The following NCOA1 variants were observed in gnomAD, a reference collection of about 807,000 sequenced individuals.
NCOA1 encodes the protein Hin-2 protein.
Under a neutral mutation model 150.9 loss-of-function variants are expected in NCOA1, and 35 were observed. The observed-to-expected ratio is 0.23, with a 90% confidence interval of 0.18 to 0.31. The LOEUF is 0.31. NCOA1 is among the 10% of genes least tolerant of loss of function. The pLI is 1.00. For synonymous variants in NCOA1, 590 were observed against 630.0 expected, an observed-to-expected ratio of 0.94 and a Z score of 0.95; for missense variants, 1,491 against 1,749.3, an observed-to-expected ratio of 0.85 and a Z score of 2.63.
rs1385226236 is a variant in NCOA1 at position 24,751,928 on chromosome 2, G to A, written c.3707-54G>A. ...GATCCTTTTGGGTTTTTTCATTTAT[G>A]GGGTTAATAAATTTATAGTGTATCA... On this transcript the variant is annotated intron_variant, in intron 19 of 22. Transcript: ENST00000348332. 2.0e-6 allele frequency: 3 copies of A among 1,475,456 alleles called. No homozygotes were observed. The African/African-American group carries it at 4.2e-5, about 21-fold the overall frequency. 91.4% of individuals were successfully genotyped at this position (1,475,456 alleles called of 1,614,324 possible).
chr2:24,537,357 G>A (rs1470919983), intron 1 of NCOA1, among the ~76,000 whole-genome samples: 1 of 151,988 alleles, frequency 6.6e-6, no homozygotes, highest in African/African-American at 2.4e-5. Flanking sequence ...ATTATGCTAA[G>A]TGAAGTAAGT....
intron 4 of NCOA1, among the ~76,000 whole-genome samples, chr2:24,650,287 T>TTCAAA (rs1259226409): frequency 6.6e-6 from 1 of 152,080 alleles, no homozygotes; most frequent in Non-Finnish European, 1.5e-5. Flanking sequence ...AAATATCTAG[T>TTCAAA]ATTCAACAAA....
chr2:24,538,759 T>A (rs1225856071), intron 1 of NCOA1, among the ~76,000 whole-genome samples: 2 of 152,062 alleles, frequency 1.3e-5, no homozygotes, highest in East Asian at 3.9e-4. Flanking sequence ...CATTTATTTG[T>A]CATGTACGAG....
chr2:24,760,739 C>T (rs1193129736), intron 21 of NCOA1, among the ~76,000 whole-genome samples: 1 of 152,106 alleles, frequency 6.6e-6, no homozygotes, highest in African/African-American at 2.4e-5. Flanking sequence ...TGATATGCTT[C>T]AGTGTATTTT....
At chr2:24,696,790 T>A (rs12469993) in intron 10 of NCOA1, among the ~76,000 whole-genome samples, 77,717 of 151,628 alleles carry the variant, frequency 0.51, 21,459 homozygotes, top group Admixed American at 0.66. Flanking sequence ...AAGGGAGGAG[T>A]GCACATGTGA....
At chr2:24,651,689 C>T (rs1290075560) in intron 4 of NCOA1, among the ~76,000 whole-genome samples, 1 of 151,876 alleles carries the variant, frequency 6.6e-6, no homozygotes, top group Non-Finnish European at 1.5e-5. Context: ...TAAATATACA[C>T]AGTAAAATTT....
chr2:24,500,469 G>C (rs758267534), intron 1 of NCOA1, among the ~76,000 whole-genome samples: 2 of 152,210 alleles, frequency 1.3e-5, no homozygotes, highest in African/African-American at 4.8e-5. Context: ...CTGTGAAGAT[G>C]TTTCTTCTCT....
At chr2:24,602,803 A>C (rs1233187348) in intron 3 of NCOA1, among the ~76,000 whole-genome samples, 1 of 152,212 alleles carries the variant, frequency 6.6e-6, no homozygotes, top group Non-Finnish European at 1.5e-5. Flanking sequence ...TGTCATGTAC[A>C]TCAGCCTCAG....
intron 3 of NCOA1, among the ~76,000 whole-genome samples, chr2:24,641,604 A>G (rs979718088): frequency 6.6e-6 from 1 of 152,026 alleles, no homozygotes; most frequent in Admixed American, 6.6e-5. Flanking sequence ...TTTTTGAAGG[A>G]TATTTTTGCT....
intron 3 of NCOA1, among the ~76,000 whole-genome samples, chr2:24,634,808 C>T (rs1332360589): frequency 2.0e-5 from 3 of 150,626 alleles, no homozygotes; most frequent in African/African-American, 7.3e-5. Context: ...AACCCCTGGG[C>T]CCAGGCAATC....
In NCOA1 at chr2:24,556,389, A is replaced by G. The variant is rs552083885; in HGVS notation, c.-395-7906A>G. On this transcript the variant is annotated intron_variant, in intron 1 of 22. Transcript: ENST00000348332. ...ATATGTACCACATTTTGTTTAGTCT[A>G]TCATTGATGGGCATTTGGGATGATT... Among the ~76,000 whole-genome samples the G allele has an allele frequency of 4.6e-5, 7 of 152,298 alleles. No homozygotes were observed. The South Asian group carries it at 1.5e-3, about 32-fold the overall frequency.
intron 4 of NCOA1, among the ~76,000 whole-genome samples, chr2:24,651,933 G>T (rs374738724): frequency 6.6e-6 from 1 of 152,028 alleles, no homozygotes; most frequent in African/African-American, 2.4e-5. Flanking sequence ...CATTACTGGT[G>T]GGAATTTTAA....
At chr2:24,708,288 A>G (rs55867553) in intron 13 of NCOA1, among the ~76,000 whole-genome samples, 85 of 152,284 alleles carry the variant, frequency 5.6e-4, no homozygotes, top group African/African-American at 2.0e-3. Flanking sequence ...ATGTAAGGAG[A>G]TGGACAAGGT....
intron 10 of NCOA1, among the ~76,000 whole-genome samples, chr2:24,696,957 A>G (rs1672933000): frequency 6.6e-6 from 1 of 152,038 alleles, no homozygotes. Context: ...ACAGGTCTTA[A>G]TATTCACAAA....
Position 24,752,089 on chromosome 2 carries a change from C to T in NCOA1, c.3814C>T (p.Pro1272Ser), listed in dbSNP as rs1804645. 35,095 of 1,614,086 alleles carry T rather than the reference C, an allele frequency of 0.022. 452 individuals carry two copies. The highest frequency in any genetic ancestry group is 0.026 in the Non-Finnish European group (30,602 of 1,179,946). The change falls in exon 20 of 23, where the codon CCA becomes TCA. Residue 1272 changes from proline to serine, a missense_variant. Transcript: ENST00000348332. ...PPQSSLLQQTPPASGYQSPDM... is the reference protein window; with the variant it reads ...PPQSSLLQQTSPASGYQSPDM... ...TCAGAGTTCTCTTCTCCAGCAAACT[C>T]CACCTGCCTCCGGGTATCAGTCACC...
intron 3 of NCOA1, among the ~76,000 whole-genome samples, chr2:24,586,369 T>G (rs979512153): frequency 2.5e-4 from 37 of 150,810 alleles, no homozygotes; most frequent in Non-Finnish European, 3.3e-4. Flanking sequence ...GAGAATTGCT[T>G]GAGGCTTTTT....
intron 1 of NCOA1, among the ~76,000 whole-genome samples, chr2:24,492,597 C>T (rs1293460002): frequency 6.6e-6 from 1 of 152,172 alleles, no homozygotes; most frequent in Non-Finnish European, 1.5e-5. Flanking sequence ...GCTGGAGGAT[C>T]TGTTAGCCTC....
At chr2:24,531,296 A>G (rs893134227) in intron 1 of NCOA1, among the ~76,000 whole-genome samples, 1 of 152,146 alleles carries the variant, frequency 6.6e-6, no homozygotes, top group African/African-American at 2.4e-5. Flanking sequence ...CTCCCACACA[A>G]TTCACAATTG....
At chr2:24,503,747 T>TG (rs2148081048) in intron 1 of NCOA1, among the ~76,000 whole-genome samples, 1 of 151,696 alleles carries the variant, frequency 6.6e-6, no homozygotes, top group Non-Finnish European at 1.5e-5. Flanking sequence ...TTTTTTTTTT[T>TG]TTTTTAAGAC....
Sources: allele counts gnomAD v4.1 joint callset (sites outside exome capture counted in the v4.1 genomes callset), GRCh38; gene constraint gnomAD v4.1.1; transcripts MANE v1.5; gene names NCBI Gene and HGNC (gene_info 2026-07-23, HGNC 2026-07-21).